HTR4: variants seen among roughly 807,000 people sequenced by gnomAD.
HTR4 encodes the protein 5-hydroxytryptamine receptor 4.
HTR4 carries 16 observed loss-of-function variants against 36.8 expected under a neutral mutation model. The ratio of observed to expected loss-of-function variants is 0.43; its 90% CI spans 0.29 to 0.66. The LOEUF is 0.66. Among genes scored for constraint, HTR4 ranks in the 30% least tolerant of loss-of-function variants. The pLI is 0.13. For missense variants in HTR4, 438 were observed against 490.9 expected, an observed-to-expected ratio of 0.89 and a Z score of 1.02; for synonymous variants, 189 against 185.1, an observed-to-expected ratio of 1.02 and a Z score of -0.17.
chr5:148,651,488 C>T (rs55926330), intron 1 of HTR4, among the ~76,000 whole-genome samples: 29,508 of 151,806 alleles, frequency 0.19, 3,443 homozygotes, highest in East Asian at 0.4. Flanking sequence ...ACTTTGCCCA[C>T]CCACCCCCCG....
chr5:148,487,331 A>G (rs1581367286), intron 6 of HTR4, among the ~76,000 whole-genome samples: 1 of 152,306 alleles, frequency 6.6e-6, no homozygotes, highest in African/African-American at 2.4e-5. Context: ...CAAAGTTATT[A>G]GCAGTTAATG....
chr5:148,538,976 A>G (rs1315982797), intron 4 of HTR4, among the ~76,000 whole-genome samples: 1 of 152,198 alleles, frequency 6.6e-6, no homozygotes, highest in African/African-American at 2.4e-5. Context: ...ACTTCAACCT[A>G]TACTACAGGG....
At position 148,590,855 on chromosome 5, in the gene HTR4, T is replaced by G. The variant is rs115304382; in HGVS notation, c.27-40593A>C. 1.5e-3 allele frequency among the ~76,000 whole-genome samples: 235 copies of G among 152,346 alleles called. 2 individuals carry two copies. Among genetic ancestry groups the G allele is most frequent in the African/African-American group, 5.4e-3 (223 of 41,582 alleles). ...TTAATTACATACCACTTGTCAATTT[T>G]TGCTTTTGTTGCATTTGCTTTTGGG... On this transcript the variant is annotated intron_variant, in intron 2 of 6. Transcript: ENST00000377888.
intron 6 of HTR4, among the ~76,000 whole-genome samples, chr5:148,490,191 G>T (rs2113733103): frequency 6.8e-6 from 1 of 147,832 alleles, no homozygotes; most frequent in East Asian, 2.0e-4. Context: ...GTATGTGTGT[G>T]TGTATATATA....
At chr5:148,618,329 G>A (rs926238763) in intron 2 of HTR4, among the ~76,000 whole-genome samples, 1 of 152,176 alleles carries the variant, frequency 6.6e-6, no homozygotes, top group Non-Finnish European at 1.5e-5. Flanking sequence ...GTCAAAAGCA[G>A]CAACCAACTT....
rs114172923 is a variant in HTR4 at position 148,488,539 on chromosome 5, C to T, written c.1077-5246G>A. On this transcript the variant is annotated intron_variant, in intron 6 of 6. Transcript: ENST00000377888. Reference sequence around the variant, plus strand: ...CAAATATGTTTATTTAGATTTAAAACGTATTTAAAGAAAAATAGTAAATAA... The same window carrying T: ...CAAATATGTTTATTTAGATTTAAAATGTATTTAAAGAAAAATAGTAAATAA... 4.6e-3 allele frequency among the ~76,000 whole-genome samples: 703 copies of T among 151,898 alleles called. 4 individuals carry two copies. The highest frequency in any genetic ancestry group is 0.016 in the African/African-American group (673 of 41,412).
intron 6 of HTR4, among the ~76,000 whole-genome samples, chr5:148,483,962 TTTATTTA>T (rs1756024600): frequency 1.4e-5 from 2 of 145,736 alleles, no homozygotes; most frequent in African/African-American, 5.3e-5. Flanking sequence ...TATTTATTTA[TTTATTTA>T]TTTATTTATT....
In HTR4 at chr5:148,654,371, C is replaced by T. The variant is rs1305034064; in HGVS notation, c.-357G>A. On this transcript the variant is annotated 5_prime_UTR_variant, in exon 1 of 7. Transcript: ENST00000377888. ...CCCCAGCCCCGGTGGTCCCCGCTGC[C>T]CTGCCCGCTGCCGCCCCCACTGGGC... 3 of 985,282 alleles carry T rather than the reference C, an allele frequency of 3.0e-6. No individual in the cohort carries two copies. In the Admixed American group the frequency reaches 1.8e-4, roughly 61 times the overall value. 61.0% of individuals were successfully genotyped at this position (985,282 alleles called of 1,614,324 possible). A position where few individuals can be genotyped will look rare whatever the true frequency, so the allele number is the denominator to read the frequency against.
intron 6 of HTR4, among the ~76,000 whole-genome samples, chr5:148,507,751 C>T (rs1757295601): frequency 6.6e-6 from 1 of 152,036 alleles, no homozygotes; most frequent in Non-Finnish European, 1.5e-5. Context: ...AACTCCCAAA[C>T]TCTCTATGAA....
chr5:148,527,818 T>C (rs1272563843), intron 4 of HTR4, among the ~76,000 whole-genome samples: 1 of 152,170 alleles, frequency 6.6e-6, no homozygotes, highest in Non-Finnish European at 1.5e-5. Flanking sequence ...TTCGCTATGT[T>C]GGCTAGGCTT....
At chr5:148,586,272 G>A (rs1761345256) in intron 2 of HTR4, among the ~76,000 whole-genome samples, 1 of 151,966 alleles carries the variant, frequency 6.6e-6, no homozygotes, top group Non-Finnish European at 1.5e-5. Flanking sequence ...TAGAATTCTA[G>A]GCTCCTGAGA....
chr5:148,465,542 T>A (rs189043050), intron 5 of HTR4, among the ~76,000 whole-genome samples: 96 of 152,240 alleles, frequency 6.3e-4, no homozygotes, highest in African/African-American at 2.2e-3. Flanking sequence ...TGAGAGGACT[T>A]CTAAGAATCA....
At chr5:148,498,215 T>C (rs979514457) in intron 6 of HTR4, among the ~76,000 whole-genome samples, 3 of 152,148 alleles carry the variant, frequency 2.0e-5, no homozygotes, top group African/African-American at 7.2e-5. Context: ...TTCTAAACCA[T>C]TGAGGCCAGG....
At chr5:148,477,362 C>T (rs1207306298), downstream of HTR4, among the ~76,000 whole-genome samples, 1 of 152,174 alleles carries the variant, frequency 6.6e-6, no homozygotes, top group African/African-American at 2.4e-5. Context: ...TGTATAAATG[C>T]ATCTTTGTTT....
At chr5:148,596,704 C>A (rs1412689234) in intron 2 of HTR4, among the ~76,000 whole-genome samples, 1 of 152,086 alleles carries the variant, frequency 6.6e-6, no homozygotes, top group Non-Finnish European at 1.5e-5. Flanking sequence ...GGAGGTGCCC[C>A]AGTTGAGAAG....
rs1423762236 is a variant in HTR4 at position 148,548,667 on chromosome 5, C to A, written c.353+1G>T. The stretch of plus-strand genomic sequence containing the variant: ...CGCTATGCACATTGTTCTGTCCTTA[C>A]CTATCCAGAGAAATGCAGCACAGGT... On this transcript the variant is annotated splice_donor_variant, in intron 4 of 6. Transcript: ENST00000377888. LOFTEE classifies it high-confidence loss of function. 10 of 1,597,422 alleles carry A rather than the reference C, an allele frequency of 6.3e-6. No homozygotes were observed. The highest frequency in any genetic ancestry group is 7.7e-6 in the Non-Finnish European group (9 of 1,171,076).
rs780514985 is a variant in HTR4, at chr5:148,653,951, T to TCCAG, written c.-48+107_-48+110dup. 104 of 680,670 alleles carry TCCAG rather than the reference T, an allele frequency of 1.5e-4. No individual in the cohort carries two copies. In the Middle Eastern group the frequency reaches 4.4e-3, roughly 29 times the overall value. The allele number at this position is 680,670 out of a possible 1,614,324, so 42.2% of individuals were successfully genotyped here. A position where few individuals can be genotyped will look rare whatever the true frequency, so the allele number is the denominator to read the frequency against. ...CTGCCGCAAAGCCGGGTGTCCTGAG[T>TCCAG]CCAGAACCCCCAAGCCCCCGACCCC... On this transcript the variant is annotated intron_variant, in intron 1 of 6. Transcript: ENST00000377888.
intron 4 of HTR4, among the ~76,000 whole-genome samples, chr5:148,543,888 G>C (rs1759240338): frequency 6.6e-6 from 1 of 152,146 alleles, no homozygotes; most frequent in Non-Finnish European, 1.5e-5. Context: ...TGAGAAAGCA[G>C]AGAGAACACA....
At chr5:148,473,598 A>G (rs1463062416), downstream of HTR4, among the ~76,000 whole-genome samples, 2 of 152,136 alleles carry the variant, frequency 1.3e-5, no homozygotes, top group African/African-American at 2.4e-5. Context: ...TTGTGACTAG[A>G]TATTTCTCAC....
Sources: allele counts gnomAD v4.1 joint callset (sites outside exome capture counted in the v4.1 genomes callset), GRCh38; gene constraint gnomAD v4.1.1; transcripts MANE v1.5; gene names NCBI Gene and HGNC (gene_info 2026-07-23, HGNC 2026-07-21).